The following KCNIP4 variants were observed in gnomAD, a reference collection of about 807,000 sequenced individuals.
KCNIP4 encodes Kv channel-interacting protein 4.
KCNIP4 carries 12 observed loss-of-function variants against 34.0 expected under a neutral mutation model. The ratio of observed to expected loss-of-function variants is 0.35; its 90% CI spans 0.23 to 0.57. The LOEUF is 0.57. KCNIP4 is among the 20% of genes least tolerant of loss of function. KCNIP4 has a pLI of 0.83. For missense variants in KCNIP4, 238 were observed against 311.7 expected, an observed-to-expected ratio of 0.76 and a Z score of 1.78; for synonymous variants, 124 against 102.2, an observed-to-expected ratio of 1.21 and a Z score of -1.29.
At chr4:21,884,367 C>T (rs1419354740) in intron 1 of KCNIP4, among the ~76,000 whole-genome samples, 1 of 152,034 alleles carries the variant, frequency 6.6e-6, no homozygotes, top group Non-Finnish European at 1.5e-5. Context: ...GGAGCACTTC[C>T]AGACAAGAAA....
At chr4:21,603,073 T>C (rs994355564) in intron 1 of KCNIP4, among the ~76,000 whole-genome samples, 1 of 152,194 alleles carries the variant, frequency 6.6e-6, no homozygotes, top group Non-Finnish European at 1.5e-5. Flanking sequence ...TAACAATACT[T>C]ACAAGACTCA....
At chr4:21,432,831 A>T (rs1205912952) in intron 1 of KCNIP4, among the ~76,000 whole-genome samples, 1 of 152,200 alleles carries the variant, frequency 6.6e-6, no homozygotes, top group Non-Finnish European at 1.5e-5. Context: ...GGTAACATGG[A>T]CCAGGTCAGA....
intron 1 of KCNIP4, among the ~76,000 whole-genome samples, chr4:21,871,465 T>TA (rs957629297): frequency 6.6e-6 from 1 of 151,798 alleles, no homozygotes; most frequent in South Asian, 2.1e-4. Context: ...TGCAGCCATA[T>TA]AAAAGGATGA....
intron 2 of KCNIP4, among the ~76,000 whole-genome samples, chr4:20,874,452 T>C (rs934331417): frequency 6.6e-6 from 1 of 152,180 alleles, no homozygotes; most frequent in African/African-American, 2.4e-5. Flanking sequence ...CCTGGAACTA[T>C]TGCTTTTCAA....
At chr4:20,731,922 C>T in intron 8 of KCNIP4, 84 bp downstream of exon 8, 3 of 1,568,808 alleles carry the variant, frequency 1.9e-6, no homozygotes, top group Non-Finnish European at 2.6e-6. Context: ...CTATATTTCG[C>T]CCAGTTCATG....
chr4:20,828,813 T>A (rs991955333), intron 3 of KCNIP4, among the ~76,000 whole-genome samples: 5 of 152,174 alleles, frequency 3.3e-5, no homozygotes, highest in Admixed American at 3.3e-4. Context: ...TTTTGATGTA[T>A]GGATGCTGGA....
In KCNIP4 at chr4:21,782,268, TACAA is replaced by T. The variant is rs564126771; in HGVS notation, c.61+166299_61+166302del. Reference sequence around the variant, plus strand: ...TAAAAAGATAGAAATATACATGCCATACAAACAATGATCAAAAGAAAATAGGAGT... The same window carrying T: ...TAAAAAGATAGAAATATACATGCCATACAATGATCAAAAGAAAATAGGAGT... On this transcript the variant is annotated intron_variant, in intron 1 of 8. Transcript: ENST00000382152. Among the ~76,000 whole-genome samples the T allele has an allele frequency of 7.4e-4, 113 of 152,298 alleles. 3 individuals are homozygous for T. The South Asian group carries it at 0.022, about 30-fold the overall frequency.
At chr4:21,507,688 G>A (rs1164589869) in intron 1 of KCNIP4, among the ~76,000 whole-genome samples, 1 of 152,158 alleles carries the variant, frequency 6.6e-6, no homozygotes, top group Non-Finnish European at 1.5e-5. Flanking sequence ...TTAAAATGAT[G>A]CAGTCAAATC....
At chr4:21,601,819 T>A (rs950739750) in intron 1 of KCNIP4, among the ~76,000 whole-genome samples, 1 of 152,178 alleles carries the variant, frequency 6.6e-6, no homozygotes, top group Admixed American at 6.6e-5. Context: ...TTTTCCTCCA[T>A]GCTTATGCAT....
At chr4:21,023,881 GA>G (rs368565893) in intron 1 of KCNIP4, among the ~76,000 whole-genome samples, 1 of 151,140 alleles carries the variant, frequency 6.6e-6, no homozygotes, top group African/African-American at 2.4e-5. Context: ...GACTCTGTCT[GA>G]AAAAAAACGA....
chr4:21,702,925 A>G (rs11932053), intron 1 of KCNIP4, among the ~76,000 whole-genome samples: 7,083 of 152,052 alleles, frequency 0.047, 512 homozygotes, highest in African/African-American at 0.15. Flanking sequence ...AGTTCATTCC[A>G]GGGATGCAAG....
intron 5 of KCNIP4, among the ~76,000 whole-genome samples, chr4:20,745,125 CTCT>C (rs1752134139): frequency 6.6e-6 from 1 of 152,180 alleles, no homozygotes; most frequent in Non-Finnish European, 1.5e-5. Context: ...GAGCTTTGGC[CTCT>C]TCTTGCAGCC....
chr4:21,521,100 C>T (rs1021896750), intron 1 of KCNIP4, among the ~76,000 whole-genome samples: 1 of 152,024 alleles, frequency 6.6e-6, no homozygotes, highest in Non-Finnish European at 1.5e-5. Flanking sequence ...ACAACTACAC[C>T]CAGCTTTGAA....
chr4:21,354,370 C>A (rs989704017), intron 1 of KCNIP4, among the ~76,000 whole-genome samples: 2 of 152,106 alleles, frequency 1.3e-5, no homozygotes, highest in African/African-American at 2.4e-5. Flanking sequence ...GATAAAGAGT[C>A]AAAATCCATC....
intron 1 of KCNIP4, among the ~76,000 whole-genome samples, chr4:21,236,748 G>A (rs1759385378): frequency 6.6e-6 from 1 of 151,948 alleles, no homozygotes; most frequent in Non-Finnish European, 1.5e-5. Flanking sequence ...GGTGGCTCAT[G>A]TCTGTTATCC....
intron 1 of KCNIP4, among the ~76,000 whole-genome samples, chr4:21,389,574 A>G (rs1272369043): frequency 6.6e-6 from 1 of 150,566 alleles, no homozygotes; most frequent in Non-Finnish European, 1.5e-5. Context: ...TCCTGGCGAT[A>G]GTTTGCTGAG....
At chr4:21,785,972 G>C (rs888379832) in intron 1 of KCNIP4, among the ~76,000 whole-genome samples, 7 of 152,116 alleles carry the variant, frequency 4.6e-5, no homozygotes, top group Non-Finnish European at 1.0e-4. Flanking sequence ...TTGAGGGGCA[G>C]TCTCACTCTG....
chr4:20,983,926 CCT>C (rs1475134943), intron 1 of KCNIP4: 1 of 1,536,020 alleles, frequency 6.5e-7, no homozygotes, highest in Admixed American at 2.0e-5. Context: ...GAGTCAACAT[CCT>C]CTGAGCTGGC....
intron 1 of KCNIP4, among the ~76,000 whole-genome samples, chr4:21,599,532 ATT>A (rs1742931506): frequency 6.6e-6 from 1 of 152,080 alleles, no homozygotes; most frequent in Non-Finnish European, 1.5e-5. Context: ...CCATAAATGG[ATT>A]GACTTTTTTA....
Sources: allele counts gnomAD v4.1 joint callset (sites outside exome capture counted in the v4.1 genomes callset), GRCh38; gene constraint gnomAD v4.1.1; transcripts MANE v1.5; gene names NCBI Gene and HGNC (gene_info 2026-07-23, HGNC 2026-07-21).